Variants in CPA6 observed in about 807,000 individuals in gnomAD.
The protein encoded by CPA6 is carboxypeptidase B.
In CPA6, 58 loss-of-function variants were observed where a neutral mutation model predicts 63.3. That is an observed-to-expected ratio of 0.92 (90% CI 0.74 to 1.14). The LOEUF is 1.14. CPA6 is among the 50% of genes most tolerant of loss of function. The probability of loss-of-function intolerance (pLI) is 0.00; values close to 1 mark genes in which losing one functional copy is unlikely to be tolerated. For synonymous variants in CPA6, 185 were observed against 179.0 expected (o/e 1.03, Z -0.27); for missense variants, 565 against 526.6 (o/e 1.07, Z -0.71).
At chr8:67,490,683 A>G (rs1166782381) in intron 6 of CPA6, among the ~76,000 whole-genome samples, 5 of 152,212 alleles carry the variant, frequency 3.3e-5, no homozygotes, top group Admixed American at 3.3e-4. Context: ...TGCCAAGACT[A>G]TTTTGGCCTC....
intron 1 of CPA6, among the ~76,000 whole-genome samples, chr8:67,625,596 G>T (rs963589026): frequency 6.6e-6 from 1 of 152,056 alleles, no homozygotes; most frequent in South Asian, 2.1e-4. Flanking sequence ...TTAATGGATT[G>T]GCATAAAGGA....
At chr8:67,735,845 T>C (rs1817802321) in intron 1 of CPA6, among the ~76,000 whole-genome samples, 1 of 152,180 alleles carries the variant, frequency 6.6e-6, no homozygotes, top group Non-Finnish European at 1.5e-5. Flanking sequence ...CTGTTACCTT[T>C]GGGAGAAATC....
At chr8:67,584,581 T>C (rs1351895495) in intron 2 of CPA6, among the ~76,000 whole-genome samples, 3 of 152,146 alleles carry the variant, frequency 2.0e-5, no homozygotes, top group Non-Finnish European at 2.9e-5. Context: ...CCAGACATAA[T>C]GTAAGGGTTT....
rs150973753 is a variant in CPA6 at position 67,574,073 on chromosome 8, G to A, written c.192+50103C>T. Among the ~76,000 whole-genome samples, 440 of 151,900 alleles carry A rather than the reference G, an allele frequency of 2.9e-3. 1 individual carries two copies. The highest frequency in any genetic ancestry group is 3.4e-3 in the Non-Finnish European group (234 of 67,960). ...TGTGAAAATCTCAATGTCACTTTTCGTAGCTGTAGAAAAAGCAAATTTGGC... is the reference window on the plus strand; with the variant it reads ...TGTGAAAATCTCAATGTCACTTTTCATAGCTGTAGAAAAAGCAAATTTGGC... On this transcript the variant is annotated intron_variant, in intron 2 of 10. Transcript: ENST00000297770.
At chr8:67,697,763 C>T (rs2128998206) in intron 1 of CPA6, among the ~76,000 whole-genome samples, 2 of 115,570 alleles carry the variant, frequency 1.7e-5, no homozygotes, top group East Asian at 4.4e-4. Context: ...GTTGCAGTCG[C>T]AGGAAAAAAA....
chr8:67,485,675 A>G (rs751880094), intron 6 of CPA6, among the ~76,000 whole-genome samples: 7 of 152,166 alleles, frequency 4.6e-5, no homozygotes, highest in Non-Finnish European at 1.0e-4. Flanking sequence ...ATGCTTGCAC[A>G]TTTCTCCTAG....
chr8:67,465,337 T>C (rs940801998), intron 8 of CPA6, among the ~76,000 whole-genome samples: 2 of 150,732 alleles, frequency 1.3e-5, no homozygotes, highest in Admixed American at 6.6e-5. Flanking sequence ...CTGATTTTTG[T>C]GCATCAATTT....
intron 1 of CPA6, among the ~76,000 whole-genome samples, chr8:67,733,284 C>T (rs1318058049): frequency 2.0e-5 from 3 of 151,164 alleles, no homozygotes; most frequent in African/African-American, 7.3e-5. Flanking sequence ...TGGGCCCCAC[C>T]CCCAGAACTC....
chr8:67,483,805 T>A lies in CPA6; in HGVS notation c.801A>T (p.Gly267=). The part of the protein sequence containing the change: ...RSRNSRFRCR[G]VDANRNWKVK... ...CTTTCCAGTTTCTATTGGCATCCACTCCACGGCAGCGAAACCTTGAGTTCC... is the reference window on the plus strand; with the variant it reads ...CTTTCCAGTTTCTATTGGCATCCACACCACGGCAGCGAAACCTTGAGTTCC... The change falls in exon 8 of 11, where the codon GGA becomes GGT. Residue 267 remains glycine, a synonymous_variant. Coordinates refer to ENST00000297770, the MANE Select transcript of CPA6 (RefSeq NM_020361.5). 1 of 1,614,154 alleles carries A rather than the reference T, an allele frequency of 6.2e-7. No individual in the cohort carries two copies. Among genetic ancestry groups the A allele is most frequent in the Non-Finnish European group, 8.5e-7 (1 of 1,180,008 alleles).
At chr8:67,528,693 C>G (rs1812415815) in intron 2 of CPA6, among the ~76,000 whole-genome samples, 1 of 152,178 alleles carries the variant, frequency 6.6e-6, no homozygotes, top group African/African-American at 2.4e-5. Flanking sequence ...TCTGAGCTGG[C>G]ATTTCAGCCT....
At position 67,439,906 on chromosome 8, in the gene CPA6, A is replaced by G. The variant is rs187247436; in HGVS notation, c.839-5666T>C. Among the ~76,000 whole-genome samples the G allele has an allele frequency of 2.3e-3, 352 of 152,314 alleles. 1 individual carries two copies. The highest frequency in any genetic ancestry group is 4.4e-3 in the Non-Finnish European group (300 of 68,036). On this transcript the variant is annotated intron_variant, in intron 8 of 10. Transcript: ENST00000297770. ...TTCCCAAAATATTGAGATTACGGGC[A>G]TAAGCCATAGTGCCTGGCCTGATGT...
At chr8:67,447,528 CACACACACACACACACACAT>C (rs1161358392) in intron 8 of CPA6, among the ~76,000 whole-genome samples, 4 of 147,928 alleles carry the variant, frequency 2.7e-5, no homozygotes, top group Admixed American at 2.6e-4. Context: ...CACACACACA[CACACACACACACACACACAT>C]ACACATTTTA....
intron 2 of CPA6, among the ~76,000 whole-genome samples, chr8:67,589,876 T>A (rs928684839): frequency 1.1e-4 from 17 of 150,750 alleles, no homozygotes; most frequent in South Asian, 2.1e-4. Context: ...TAGTGTTGTT[T>A]TTATTATTAT....
chr8:67,723,465 C>T (rs1458267879), intron 1 of CPA6, among the ~76,000 whole-genome samples: 4 of 152,120 alleles, frequency 2.6e-5, no homozygotes, highest in African/African-American at 4.8e-5. Flanking sequence ...CCGTGCGTGG[C>T]GGAGGATCTT....
chr8:67,450,349 C>T (rs1343903568), intron 8 of CPA6, among the ~76,000 whole-genome samples: 2 of 152,090 alleles, frequency 1.3e-5, no homozygotes, highest in Non-Finnish European at 2.9e-5. Flanking sequence ...TTATAGATAA[C>T]TAAACATTCT....
At chr8:67,468,447 G>T (rs1281599157) in intron 8 of CPA6, among the ~76,000 whole-genome samples, 1 of 151,776 alleles carries the variant, frequency 6.6e-6, no homozygotes, top group Non-Finnish European at 1.5e-5. Flanking sequence ...ACCAGTGGGT[G>T]TGGTGGCAGG....
chr8:67,534,069 C>A (rs1812532555), intron 2 of CPA6, among the ~76,000 whole-genome samples: 1 of 152,196 alleles, frequency 6.6e-6, no homozygotes, highest in African/African-American at 2.4e-5. Flanking sequence ...AGAGCATGCT[C>A]TCTGCTGGAG....
Position 67,434,088 on chromosome 8 carries a change from G to A in CPA6, c.991C>T (p.Leu331=), listed in dbSNP as rs756485062. ...GCATATTTGTAAGAATAGGGATACAGTAACATCTGAGCATATGCATGAAAG... is the reference window on the plus strand; with the variant it reads ...GCATATTTGTAAGAATAGGGATACAATAACATCTGAGCATATGCATGAAAG... ...LSFHAYAQML[L]YPYSYKYATI... Residue 331 remains leucine (L), a synonymous_variant, in exon 9 of 11, where the codon CTG becomes TTG. Coordinates refer to ENST00000297770, the MANE Select transcript of CPA6 (RefSeq NM_020361.5). 2 of 1,613,780 alleles carry A rather than the reference G, an allele frequency of 1.2e-6. No homozygotes were observed. The highest frequency in any genetic ancestry group is 8.5e-7 in the Non-Finnish European group (1 of 1,179,876).
chr8:67,484,740 T>C lies in CPA6; in HGVS notation c.686A>G (p.His229Arg), dbSNP rs1403484176. The change falls in exon 7 of 11, where the codon CAT becomes CGT. Residue 229 changes from histidine to arginine, a missense_variant. His to Arg is a conservative substitution (Grantham distance 29, BLOSUM62 0). Coordinates refer to ENST00000297770, the MANE Select transcript of CPA6 (RefSeq NM_020361.5). Reference sequence around the variant, plus strand: ...CACAGGCATGATATAGAAATATAGATGATTCAACATTTTTCTCATGGCTGG... The same window carrying C: ...CACAGGCATGATATAGAAATATAGACGATTCAACATTTTTCTCATGGCTGG... The part of the protein sequence containing the change: ...SDPAMRKMLN[H>R]LYFYIMPVFN... The C allele has an allele frequency of 3.1e-6, 5 of 1,611,016 alleles. No individual in the cohort carries two copies. The highest frequency in any genetic ancestry group is 1.1e-5 in the South Asian group (1 of 90,956).
Sources: allele counts gnomAD v4.1 joint callset (sites outside exome capture counted in the v4.1 genomes callset), GRCh38; gene constraint gnomAD v4.1.1; transcripts MANE v1.5; gene names NCBI Gene and HGNC (gene_info 2026-07-23, HGNC 2026-07-21).